The following APOD variants were observed in gnomAD, a reference collection of about 807,000 sequenced individuals.
The protein encoded by APOD is apolipoprotein D, also known as apo-D.
Under a neutral mutation model 20.4 loss-of-function variants are expected in APOD, and 22 were observed. That is an observed-to-expected ratio of 1.08 (90% CI 0.77 to 1.54). The LOEUF (loss-of-function observed/expected upper bound fraction) is 1.54, where lower values mean the gene tolerates loss of function less well. Ranked by LOEUF, APOD falls within the 40% of genes most tolerant of loss-of-function variation. APOD has a pLI of 0.00. For missense variants in APOD, 223 were observed against 229.6 expected (o/e 0.97, Z 0.19); for synonymous variants, 97 against 92.4 (o/e 1.05, Z -0.29).
intron 3 of APOD, among the ~76,000 whole-genome samples, chr3:195,572,583 A>AG (rs1042278329): frequency 8.5e-5 from 13 of 152,128 alleles, no homozygotes; most frequent in African/African-American, 3.1e-4. Flanking sequence ...GTGGAGATGG[A>AG]GGCACCAAAG....
At chr3:195,571,926 T>G (rs570552387) in intron 3 of APOD, among the ~76,000 whole-genome samples, 2 of 152,178 alleles carry the variant, frequency 1.3e-5, no homozygotes, top group East Asian at 1.9e-4. Flanking sequence ...ATTACAGGCA[T>G]GCACCACCAC....
At chr3:195,578,319 A>G (rs1022373611) in intron 2 of APOD, among the ~76,000 whole-genome samples, 5 of 151,818 alleles carry the variant, frequency 3.3e-5, no homozygotes, top group African/African-American at 2.4e-5. Context: ...TCTTCCTACC[A>G]CACCTGTATC....
chr3:195,569,070 A>G lies in APOD; in HGVS notation c.400T>C (p.Cys134Arg), dbSNP rs772789954. The G allele has an allele frequency of 3.1e-6, 5 of 1,614,092 alleles. No individual in the cohort carries two copies. The highest frequency in any genetic ancestry group is 3.3e-5 in the Admixed American group (2 of 60,004). The change falls in exon 5 of 5, where the codon TGT (cysteine) becomes CGT (arginine). Residue 134 changes from cysteine (C) to arginine (R), a missense_variant. Coordinates refer to ENST00000343267, the MANE Select transcript of APOD (RefSeq NM_001647.4). ...DYENYALVYSCTCIIQLFHVD... is the reference protein window; with the variant it reads ...DYENYALVYSRTCIIQLFHVD... ...TGAAAAAGTTGGATGATGCAGGTAC[A>G]GGAATACACGAGGGCATAGTTCTCA... is the stretch of plus-strand genomic sequence containing the variant.
chr3:195,575,401 A>G, intron 2 of APOD, among the ~76,000 whole-genome samples: 1 of 152,218 alleles, frequency 6.6e-6, no homozygotes, highest in South Asian at 2.1e-4. Context: ...TCACAAGGTT[A>G]GGGCGTGGAC....
At chr3:195,572,012 C>T (rs1187915404) in intron 3 of APOD, among the ~76,000 whole-genome samples, 1 of 152,164 alleles carries the variant, frequency 6.6e-6, no homozygotes, top group Non-Finnish European at 1.5e-5. Context: ...AACTCCTGAC[C>T]TCAGGCAATC....
intron 1 of APOD, among the ~76,000 whole-genome samples, chr3:195,581,460 C>A (rs548128626): frequency 6.6e-6 from 1 of 152,230 alleles, no homozygotes; most frequent in African/African-American, 2.4e-5. Flanking sequence ...GAGGATCAAA[C>A]CTCAAAGACT....
intron 4 of APOD, among the ~76,000 whole-genome samples, chr3:195,570,273 C>T (rs1720137967): frequency 6.6e-6 from 1 of 152,172 alleles, no homozygotes; most frequent in South Asian, 2.1e-4. Flanking sequence ...TCAGTGATGG[C>T]CTGCGTCACT....
intron 2 of APOD, among the ~76,000 whole-genome samples, chr3:195,577,992 C>T (rs369222561): frequency 4.0e-5 from 6 of 150,184 alleles, no homozygotes; most frequent in East Asian, 2.1e-4. Context: ...GTGATGGTTG[C>T]GTAACTCTGT....
chr3:195,568,869 G>T lies in APOD; in HGVS notation c.*31C>A. On this transcript the variant is annotated 3_prime_UTR_variant, in exon 5 of 5. Coordinates refer to ENST00000343267, the MANE Select transcript of APOD (RefSeq NM_001647.4). ...GGGGAAAGCGAAGCAGAAGTAACAT[G>T]GAGTGGGTGCAGCCTCCCTGTAGAA... The T allele has an allele frequency of 1.3e-6, 2 of 1,494,526 alleles. No individual in the cohort carries two copies. Among genetic ancestry groups the T allele is most frequent in the Non-Finnish European group, 1.9e-6 (2 of 1,073,094 alleles). 92.6% of individuals were successfully genotyped at this position (1,494,526 alleles called of 1,614,324 possible). A position where few individuals can be genotyped will look rare whatever the true frequency, so the allele number is the denominator to read the frequency against.
chr3:195,579,430 A>G lies in APOD; in HGVS notation c.32T>C (p.Leu11Pro). The change falls in exon 2 of 5, where the codon CTG becomes CCG. Residue 11 changes from leucine to proline, a missense_variant. Transcript: ENST00000343267. The stretch of plus-strand genomic sequence containing the variant: ...CTCTGCCGCACCGAAGAGGCCAGCC[A>G]GTGCGGAAAGCAGCAGCAGCAGCAT... MVMLLLLLSA[L>P]AGLFGAAEGQ... 1 of 1,614,008 alleles carries G rather than the reference A, an allele frequency of 6.2e-7. No homozygotes were observed. The highest frequency in any genetic ancestry group is 8.5e-7 in the Non-Finnish European group (1 of 1,180,026).
intron 3 of APOD, among the ~76,000 whole-genome samples, chr3:195,572,734 G>C (rs549433068): frequency 6.6e-6 from 1 of 152,144 alleles, no homozygotes; most frequent in Non-Finnish European, 1.5e-5. Context: ...TAGGTTGGCC[G>C]GGCGTGGTGG....
intron 3 of APOD, 108 bp from the exon 4 acceptor site, chr3:195,571,473 C>T (rs1296272552): frequency 2.1e-6 from 2 of 949,728 alleles, no homozygotes; most frequent in African/African-American, 1.6e-5. Context: ...CCACTAAGGA[C>T]CGTGGCAGCC....
chr3:195,578,257 A>T (rs1053971798), intron 2 of APOD, among the ~76,000 whole-genome samples: 9 of 152,044 alleles, frequency 5.9e-5, no homozygotes, highest in African/African-American at 2.2e-4. Flanking sequence ...GAATAAAGGG[A>T]TCAGCCTGTA....
chr3:195,571,183 C>G (rs766473953), intron 4 of APOD, 94 bp downstream of exon 4: 1 of 1,014,998 alleles, frequency 9.9e-7, no homozygotes, highest in Non-Finnish European at 1.6e-6. Flanking sequence ...ATAGATGACA[C>G]TCAGGTGTCT....
intron 1 of APOD, among the ~76,000 whole-genome samples, chr3:195,582,152 T>C (rs35038043): frequency 0.23 from 34,972 of 151,864 alleles, 4,230 homozygotes; most frequent in Non-Finnish European, 0.27. Flanking sequence ...TGAGATTGCA[T>C]CATTGCACTC....
intron 1 of APOD, 48 bp from the exon 2 acceptor site, chr3:195,579,543 G>A: frequency 1.3e-6 from 2 of 1,570,630 alleles, no homozygotes; most frequent in Non-Finnish European, 1.7e-6. Flanking sequence ...GCCTTCTAAG[G>A]CCACACAATC....
At chr3:195,579,829 C>T (rs532913830) in intron 1 of APOD, among the ~76,000 whole-genome samples, 9 of 152,306 alleles carry the variant, frequency 5.9e-5, no homozygotes, top group Admixed American at 5.9e-4. Flanking sequence ...CTCAAAGTGT[C>T]GGCTCAGTAG....
At chr3:195,572,036 C>T (rs535055082) in intron 3 of APOD, among the ~76,000 whole-genome samples, 24 of 152,358 alleles carry the variant, frequency 1.6e-4, no homozygotes, top group African/African-American at 5.5e-4. Context: ...CTGCCTCAGC[C>T]TCCCAAAGTG....
At chr3:195,571,214 G>T in intron 4 of APOD, 63 bp downstream of exon 4, 1 of 1,405,690 alleles carries the variant, frequency 7.1e-7, no homozygotes, top group Non-Finnish European at 1.0e-6. Context: ...CCAAGCCGGG[G>T]CGCTAGCCTT....
Sources: allele counts gnomAD v4.1 joint callset (sites outside exome capture counted in the v4.1 genomes callset), GRCh38; gene constraint gnomAD v4.1.1; transcripts MANE v1.5; gene names NCBI Gene and HGNC (gene_info 2026-07-23, HGNC 2026-07-21).